The following NELL1 variants were observed in gnomAD, a reference collection of about 807,000 sequenced individuals.
NELL1 encodes the protein neural EGFL like 1.
In NELL1, 76 loss-of-function variants were observed where a neutral mutation model predicts 107.4. The observed-to-expected ratio is 0.71, with a 90% CI of 0.59 to 0.86. The LOEUF (loss-of-function observed/expected upper bound fraction) is 0.86. Ranked by LOEUF, NELL1 falls within the 40% of genes least tolerant of loss-of-function variation. NELL1 has a pLI of 0.00. For synonymous variants in NELL1, 353 were observed against 341.2 expected (o/e 1.03, Z -0.38); for missense variants, 1,024 against 1,005.5 (o/e 1.02, Z -0.25).
chr11:21,057,809 A>T (rs1516759), intron 12 of NELL1, among the ~76,000 whole-genome samples: 124,750 of 151,932 alleles, frequency 0.82, 51,834 homozygotes, highest in East Asian at 1. Flanking sequence ...CCTATCTGTG[A>T]TTTTTAACTT....
At chr11:21,240,298 G>C (rs1341750693) in intron 14 of NELL1, among the ~76,000 whole-genome samples, 1 of 151,950 alleles carries the variant, frequency 6.6e-6, no homozygotes, top group Admixed American at 6.6e-5. Context: ...ACTTCAAATT[G>C]TTTTGCAAAA....
chr11:21,311,318 ATAGG>A (rs1849744932), intron 14 of NELL1, among the ~76,000 whole-genome samples: 1 of 152,116 alleles, frequency 6.6e-6, no homozygotes, highest in Non-Finnish European at 1.5e-5. Flanking sequence ...CTCTGTACTG[ATAGG>A]TAGGTTTAAT....
chr11:20,843,866 T>C (rs1004853957), intron 3 of NELL1, among the ~76,000 whole-genome samples: 5 of 152,250 alleles, frequency 3.3e-5, no homozygotes, highest in African/African-American at 1.2e-4. Context: ...TTCATGATAA[T>C]ACTGATTGTA....
intron 11 of NELL1, among the ~76,000 whole-genome samples, chr11:20,957,877 A>G (rs1236129129): frequency 1.3e-5 from 2 of 152,210 alleles, no homozygotes; most frequent in Non-Finnish European, 2.9e-5. Context: ...AACAGAAGAT[A>G]TGAAAGCAAG....
intron 13 of NELL1, among the ~76,000 whole-genome samples, chr11:21,183,775 T>A (rs1565100136): frequency 6.6e-6 from 1 of 151,802 alleles, no homozygotes; most frequent in Non-Finnish European, 1.5e-5. Context: ...TTTATTTTAA[T>A]AATGTGATTG....
intron 14 of NELL1, among the ~76,000 whole-genome samples, chr11:21,320,030 C>A (rs915563563): frequency 2.0e-5 from 3 of 152,022 alleles, no homozygotes; most frequent in Non-Finnish European, 2.9e-5. Flanking sequence ...ACCTCAAAAT[C>A]CCTGCAAAAG....
chr11:21,247,831 CAT>C, intron 14 of NELL1, among the ~76,000 whole-genome samples: 3 of 152,280 alleles, frequency 2.0e-5, no homozygotes, highest in Middle Eastern at 6.8e-3. Flanking sequence ...TCACCACAAA[CAT>C]GTGATTGATG....
In NELL1 at chr11:20,982,768, A is replaced by T. The variant is rs1243054221; in HGVS notation, c.1300+22208A>T. ...TTGTAAAAGTGCCCTGGGAGAGTTT[A>T]AGAATTATGCCAATGTGATTTACAG... On this transcript the variant is annotated intron_variant, in intron 12 of 19. Coordinates refer to ENST00000357134, the MANE Select transcript of NELL1 (RefSeq NM_006157.5). Among the ~76,000 whole-genome samples the T allele has an allele frequency of 3.3e-5, 5 of 152,224 alleles. No individual in the cohort carries two copies. In the East Asian group the frequency reaches 7.7e-4, roughly 23 times the overall value.
In NELL1 at chr11:21,113,607, C is replaced by T. The variant is rs571939071; in HGVS notation, c.1319C>T (p.Ala440Val). The T allele has an allele frequency of 1.2e-6, 2 of 1,611,772 alleles. No homozygotes were observed. The highest frequency in any genetic ancestry group is 2.7e-5 in the African/African-American group (2 of 74,828). ...CCTTCAGATATTGATGAGTGTGCAGCTAAGATGCATTACTGTCATGCCAAT... is the reference window on the plus strand; with the variant it reads ...CCTTCAGATATTGATGAGTGTGCAGTTAAGATGCATTACTGTCATGCCAAT... ...AYCEDIDECA[A>V]KMHYCHANTV... The change falls in exon 13 of 20, where the codon GCT becomes GTT. Residue 440 changes from alanine (A) to valine (V), a missense_variant. By Grantham distance (64) the Ala-to-Val change is moderately conservative. Coordinates refer to ENST00000357134, the MANE Select transcript of NELL1 (RefSeq NM_006157.5).
intron 13 of NELL1, among the ~76,000 whole-genome samples, chr11:21,205,324 T>C (rs1467968065): frequency 2.0e-5 from 3 of 152,220 alleles, no homozygotes; most frequent in Non-Finnish European, 4.4e-5. Context: ...AGAGGAGGAA[T>C]CTAAAGAGGC....
chr11:20,882,122 G>A (rs1270835808), intron 4 of NELL1, among the ~76,000 whole-genome samples: 21 of 152,178 alleles, frequency 1.4e-4, no homozygotes, highest in Admixed American at 1.4e-3. Context: ...GGGACCAGCA[G>A]CCTTTGTGCT....
At chr11:20,938,913 TC>T (rs1715064587) in intron 10 of NELL1, among the ~76,000 whole-genome samples, 1 of 85,764 alleles carries the variant, frequency 1.2e-5, no homozygotes, top group African/African-American at 5.2e-5. Flanking sequence ...TCTCTGTCTC[TC>T]TCTCTCTCTC....
At chr11:21,118,192 A>G (rs1855282169) in intron 13 of NELL1, among the ~76,000 whole-genome samples, 1 of 152,024 alleles carries the variant, frequency 6.6e-6, no homozygotes, top group Admixed American at 6.6e-5. Context: ...GATTGCCAAG[A>G]TGAAGTGTTT....
intron 12 of NELL1, among the ~76,000 whole-genome samples, chr11:20,977,726 ACT>A (rs1207956635): frequency 1.3e-5 from 2 of 152,110 alleles, no homozygotes; most frequent in Admixed American, 6.6e-5. Flanking sequence ...TTCACTGTTG[ACT>A]CTCTAATAAC....
At chr11:20,824,870 TGGG>T (rs1020679665) in intron 3 of NELL1, among the ~76,000 whole-genome samples, 1 of 151,326 alleles carries the variant, frequency 6.6e-6, no homozygotes, top group Non-Finnish European at 1.5e-5. Context: ...AAATCCATTT[TGGG>T]GAGAAATTCA....
intron 2 of NELL1, among the ~76,000 whole-genome samples, chr11:20,698,334 G>A (rs781617502): frequency 6.6e-6 from 1 of 152,136 alleles, no homozygotes; most frequent in Non-Finnish European, 1.5e-5. Flanking sequence ...CTCCAAATCT[G>A]TCCACTTCTA....
intron 14 of NELL1, among the ~76,000 whole-genome samples, chr11:21,290,512 C>T (rs978928075): frequency 2.6e-5 from 4 of 152,238 alleles, no homozygotes; most frequent in African/African-American, 7.2e-5. Flanking sequence ...AGACTGCCTC[C>T]TCAAGTGGGT....
chr11:21,425,189 A>G (rs140004592), intron 15 of NELL1, among the ~76,000 whole-genome samples: 4 of 152,322 alleles, frequency 2.6e-5, no homozygotes, highest in South Asian at 2.1e-4. Context: ...TACAGATTCA[A>G]AGCAATCCCA....
chr11:21,227,291 T>C (rs1352955028), intron 13 of NELL1, among the ~76,000 whole-genome samples: 1 of 152,192 alleles, frequency 6.6e-6, no homozygotes, highest in Non-Finnish European at 1.5e-5. Context: ...TTCTGAGTTA[T>C]GCTTGTTATC....
Sources: gnomAD v4.1 joint callset for allele counts (sites outside exome capture counted in the v4.1 genomes callset) on GRCh38, gnomAD v4.1.1 for gene constraint, MANE v1.5 for transcripts, NCBI Gene and HGNC (gene_info 2026-07-23, HGNC 2026-07-21) for gene names.